The following ADAMTS19 variants were observed in gnomAD, a reference collection of about 807,000 sequenced individuals.
The protein encoded by ADAMTS19 is A disintegrin and metalloproteinase with thrombospondin motifs 19.
ADAMTS19 carries 93 observed loss-of-function variants against 153.3 expected under a neutral mutation model. That is an observed-to-expected ratio of 0.61 (90% CI 0.51 to 0.72). ADAMTS19 has a LOEUF of 0.72. Ranked by LOEUF, ADAMTS19 falls within the 30% of genes least tolerant of loss-of-function variation. The probability of loss-of-function intolerance (pLI) is 0.00; values close to 1 mark genes in which losing one functional copy is unlikely to be tolerated. For missense variants in ADAMTS19, 1,482 were observed against 1,552.1 expected (o/e 0.95, Z 0.76); for synonymous variants, 600 against 556.6 (o/e 1.08, Z -1.10).
At position 129,527,757 on chromosome 5, in the gene ADAMTS19, CT is replaced by C; in HGVS notation, c.1100del (p.Phe367SerfsTer6). On this transcript the variant is annotated frameshift_variant, in exon 5 of 23. Transcript: ENST00000274487. LOFTEE classifies it high-confidence loss of function. ...ILTILNMVFN[L>X]FQHKSLSVQV... is the part of the protein sequence containing the mutation. ...TTTTATTTGTTTTTAGGTATTTAAC[CT>C]TTTCCAACACAAGAGTCTGAGTGTG... 1.9e-6 allele frequency: 3 copies of C among 1,567,728 alleles called. No homozygotes were observed. Among genetic ancestry groups the C allele is most frequent in the Non-Finnish European group, 2.6e-6 (3 of 1,148,000 alleles).
chr5:129,643,324 T>A (rs1168931064), intron 11 of ADAMTS19, among the ~76,000 whole-genome samples: 3 of 131,912 alleles, frequency 2.3e-5, no homozygotes, highest in African/African-American at 6.0e-5. Flanking sequence ...ACTGCACCAC[T>A]GCACTCCAGC....
In ADAMTS19 at chr5:129,738,603, G is replaced by A. The variant is rs1757771737; in HGVS notation, c.*1385G>A. 6.6e-6 allele frequency: 1 copy of A among 151,948 alleles called. No individual in the cohort carries two copies. Among genetic ancestry groups the A allele is most frequent in the Non-Finnish European group, 1.5e-5 (1 of 67,972 alleles). The allele number at this position is 151,948 out of a possible 1,614,324, so 9.4% of individuals were successfully genotyped here. On this transcript the variant is annotated 3_prime_UTR_variant, in exon 23 of 23. Transcript: ENST00000274487. Reference sequence around the variant, plus strand: ...CTTCATGTCACCCTTTGGGAAATGGGGCTCAACGAGCCAGTACAGGAAAAG... The same window carrying A: ...CTTCATGTCACCCTTTGGGAAATGGAGCTCAACGAGCCAGTACAGGAAAAG...
chr5:129,654,614 G>A (rs6899246), intron 14 of ADAMTS19, among the ~76,000 whole-genome samples, 181 bp downstream of exon 14: 7,659 of 152,120 alleles, frequency 0.05, 268 homozygotes, highest in African/African-American at 0.1. Flanking sequence ...TTCCATCTGT[G>A]TAATAATGGG....
intron 13 of ADAMTS19, among the ~76,000 whole-genome samples, chr5:129,652,097 GA>G (rs1753342813): frequency 6.6e-6 from 1 of 152,032 alleles, no homozygotes; most frequent in Non-Finnish European, 1.5e-5. Context: ...ACAATTAAAG[GA>G]ACTTCTGACT....
At chr5:129,504,790 G>A (rs1410800131) in intron 2 of ADAMTS19, among the ~76,000 whole-genome samples, 1 of 151,590 alleles carries the variant, frequency 6.6e-6, no homozygotes, top group Non-Finnish European at 1.5e-5. Context: ...TTAATATAAT[G>A]CCCTTCACAT....
intron 14 of ADAMTS19, among the ~76,000 whole-genome samples, chr5:129,658,116 C>T (rs1000143346): frequency 6.6e-6 from 1 of 151,722 alleles, no homozygotes; most frequent in Non-Finnish European, 1.5e-5. Flanking sequence ...GAAACCTTGT[C>T]TCAACAAAAA....
At chr5:129,567,471 A>G (rs969821862) in intron 7 of ADAMTS19, among the ~76,000 whole-genome samples, 8 of 152,202 alleles carry the variant, frequency 5.3e-5, no homozygotes, top group Admixed American at 3.9e-4. Context: ...GCATATTTCA[A>G]ATGAATGGAA....
intron 4 of ADAMTS19, 64 bp downstream of exon 4, chr5:129,526,520 G>C: frequency 7.0e-7 from 1 of 1,425,910 alleles, no homozygotes; most frequent in Non-Finnish European, 9.5e-7. Context: ...ACATGTGTGA[G>C]TATTTATAAT....
intron 14 of ADAMTS19, among the ~76,000 whole-genome samples, chr5:129,654,890 ACTTT>A (rs1362935651): frequency 2.6e-5 from 4 of 152,178 alleles, no homozygotes; most frequent in African/African-American, 7.2e-5. Flanking sequence ...TGCATATTCA[ACTTT>A]CTTTAATAAA....
chr5:129,468,343 A>G (rs946961491), intron 2 of ADAMTS19, among the ~76,000 whole-genome samples: 2 of 152,088 alleles, frequency 1.3e-5, no homozygotes, highest in African/African-American at 4.8e-5. Context: ...AATCTAATAG[A>G]TAAAAGATGT....
intron 11 of ADAMTS19, among the ~76,000 whole-genome samples, chr5:129,645,325 A>G (rs958570565): frequency 6.6e-6 from 1 of 152,208 alleles, no homozygotes; most frequent in African/African-American, 2.4e-5. Context: ...TATGGAAAGC[A>G]TCATTGGGAT....
chr5:129,582,605 C>T (rs1481350481), intron 7 of ADAMTS19, among the ~76,000 whole-genome samples: 1 of 152,100 alleles, frequency 6.6e-6, no homozygotes, highest in Non-Finnish European at 1.5e-5. Context: ...CGGAGTCTCA[C>T]TCTGTTGCCC....
intron 7 of ADAMTS19, among the ~76,000 whole-genome samples, chr5:129,558,213 C>T (rs528214312): frequency 2.6e-5 from 4 of 151,914 alleles, no homozygotes; most frequent in South Asian, 2.1e-4. Flanking sequence ...CACTTCTATT[C>T]GACAATGCAC....
intron 2 of ADAMTS19, among the ~76,000 whole-genome samples, chr5:129,471,887 AT>A (rs1309779878): frequency 6.6e-6 from 1 of 152,182 alleles, no homozygotes; most frequent in African/African-American, 2.4e-5. Context: ...ACATGATATC[AT>A]TCTTTTAGGG....
At chr5:129,531,397 G>A (rs947001230) in intron 6 of ADAMTS19, among the ~76,000 whole-genome samples, 4 of 152,130 alleles carry the variant, frequency 2.6e-5, no homozygotes, top group African/African-American at 9.7e-5. Flanking sequence ...GGCTGAGGTG[G>A]GCAGACTGCC....
At chr5:129,552,938 T>C (rs1452924850) in intron 7 of ADAMTS19, among the ~76,000 whole-genome samples, 1 of 152,012 alleles carries the variant, frequency 6.6e-6, no homozygotes, top group Non-Finnish European at 1.5e-5. Flanking sequence ...TCAGAAGGAA[T>C]TGTCGGCATG....
intron 16 of ADAMTS19, among the ~76,000 whole-genome samples, chr5:129,668,954 A>G (rs529377987): frequency 1.7e-3 from 260 of 152,222 alleles, no homozygotes; most frequent in Middle Eastern, 3.4e-3. Flanking sequence ...AAAAAGAACA[A>G]AGCTGGAGGA....
At chr5:129,571,444 A>G (rs1356963090) in intron 7 of ADAMTS19, among the ~76,000 whole-genome samples, 2 of 151,628 alleles carry the variant, frequency 1.3e-5, no homozygotes, top group East Asian at 3.9e-4. Flanking sequence ...AAATGAAAAA[A>G]TGAAATATGT....
intron 16 of ADAMTS19, among the ~76,000 whole-genome samples, chr5:129,670,146 A>G (rs1315084755): frequency 6.6e-6 from 1 of 152,136 alleles, no homozygotes; most frequent in Admixed American, 6.6e-5. Flanking sequence ...ACTGACCTCT[A>G]ACCAAGCCAC....
Sources: gnomAD v4.1 joint callset for allele counts (sites outside exome capture counted in the v4.1 genomes callset) on GRCh38, gnomAD v4.1.1 for gene constraint, MANE v1.5 for transcripts, NCBI Gene and HGNC (gene_info 2026-07-23, HGNC 2026-07-21) for gene names.